The following TFEC variants were observed in gnomAD, a reference collection of about 807,000 sequenced individuals.
TFEC encodes the protein class E basic helix-loop-helix protein 34.
In TFEC, 31 loss-of-function variants were observed where a neutral mutation model predicts 41.6. That is an observed-to-expected ratio of 0.74 (90% CI 0.56 to 1.01). The LOEUF (loss-of-function observed/expected upper bound fraction) is 1.01. Among genes scored for constraint, TFEC ranks in the 50% least tolerant of loss-of-function variants. TFEC has a pLI of 0.00. For synonymous variants in TFEC, 143 were observed against 140.6 expected (o/e 1.02, Z -0.12); for missense variants, 402 against 404.1 (o/e 0.99, Z 0.04).
intron 3 of TFEC, among the ~76,000 whole-genome samples, chr7:116,053,088 G>C (rs1327820322): frequency 2.6e-5 from 4 of 151,996 alleles, no homozygotes; most frequent in African/African-American, 9.7e-5. Flanking sequence ...AAGAAAGAAA[G>C]AAATGTCATG....
chr7:116,000,622 T>C (rs1562925258), intron 1 of TFEC, among the ~76,000 whole-genome samples: 1 of 152,090 alleles, frequency 6.6e-6, no homozygotes, highest in Non-Finnish European at 1.5e-5. Context: ...CATACAAAAA[T>C]CAGTAACATT....
At chr7:116,110,053 A>G (rs1797816356) in intron 3 of TFEC, among the ~76,000 whole-genome samples, 1 of 152,172 alleles carries the variant, frequency 6.6e-6, no homozygotes, top group South Asian at 2.1e-4. Context: ...AGGAAGGGGA[A>G]CATCACACAC....
intron 1 of TFEC, among the ~76,000 whole-genome samples, chr7:116,020,170 A>T (rs1187312638): frequency 6.6e-6 from 1 of 152,166 alleles, no homozygotes; most frequent in African/African-American, 2.4e-5. Context: ...CGATAATTCA[A>T]ATCCACACTC....
In TFEC at chr7:115,935,527, G is replaced by C. The variant is rs144347586; in HGVS notation, c.*5024C>G. 1 of 152,008 alleles carries C rather than the reference G, an allele frequency of 6.6e-6. No homozygotes were observed. Among genetic ancestry groups the C allele is most frequent in the Admixed American group, 6.6e-5 (1 of 15,234 alleles). 9.4% of individuals were successfully genotyped at this position (152,008 alleles called of 1,614,324 possible). A position where few individuals can be genotyped will look rare whatever the true frequency, so the allele number is the denominator to read the frequency against. On this transcript the variant is annotated 3_prime_UTR_variant, in exon 8 of 8. Transcript: ENST00000265440. ...TGCTATGCTGTTAGATAAGATTCTT[G>C]AATTTCGTTTGCTTTTAAAATTCAG...
intron 3 of TFEC, among the ~76,000 whole-genome samples, chr7:116,085,443 C>T (rs1797182164): frequency 6.6e-6 from 1 of 151,504 alleles, no homozygotes; most frequent in African/African-American, 2.4e-5. Context: ...TTGCACATAC[C>T]CATAAAACTT....
chr7:116,036,271 A>C (rs1795907490), intron 3 of TFEC, among the ~76,000 whole-genome samples: 1 of 152,084 alleles, frequency 6.6e-6, no homozygotes, highest in Non-Finnish European at 1.5e-5. Context: ...GCAGAGAGGA[A>C]AAGAGCTAGG....
chr7:116,152,442 A>C (rs564494819), intron 1 of TFEC, among the ~76,000 whole-genome samples: 2 of 152,342 alleles, frequency 1.3e-5, no homozygotes, highest in South Asian at 2.1e-4. Flanking sequence ...CAAAGAGAAG[A>C]AGCTCCTGAG....
chr7:115,968,058 T>G, intron 3 of TFEC: 1 of 908,308 alleles, frequency 1.1e-6, no homozygotes, highest in South Asian at 2.8e-5. Context: ...GAATATATTT[T>G]ATGCGTTTCA....
At chr7:116,142,463 G>A (rs868439677) in intron 1 of TFEC, among the ~76,000 whole-genome samples, 3 of 152,082 alleles carry the variant, frequency 2.0e-5, no homozygotes, top group South Asian at 2.1e-4. Flanking sequence ...GACTCCCACC[G>A]CATTTGCAAC....
intron 1 of TFEC, among the ~76,000 whole-genome samples, chr7:116,008,143 G>T (rs963302067): frequency 1.3e-5 from 2 of 152,066 alleles, no homozygotes; most frequent in African/African-American, 4.8e-5. Context: ...AAAAAGTGAT[G>T]GCAAACATCA....
chr7:115,942,079 G>A lies in TFEC; in HGVS notation c.516-39C>T, dbSNP rs1341045209. On this transcript the variant is annotated intron_variant, in intron 6 of 7. Transcript: ENST00000265440. ...AGATAACCTTTTCACAATTGTGCAT[G>A]TCAGCAGAATTCATAAGAACTTACA... The A allele has an allele frequency of 2.6e-6, 4 of 1,557,460 alleles. No homozygotes were observed. The East Asian group carries it at 6.8e-5, about 27-fold the overall frequency.
intron 3 of TFEC, among the ~76,000 whole-genome samples, chr7:116,062,560 CATATAT>C (rs57742551): frequency 0.035 from 3,531 of 101,330 alleles, 102 homozygotes; most frequent in Middle Eastern, 0.069. Context: ...GAGTAGTACT[CATATAT>C]ATATATATAT....
chr7:116,066,024 C>T (rs1327792820), intron 3 of TFEC, among the ~76,000 whole-genome samples: 1 of 152,122 alleles, frequency 6.6e-6, no homozygotes, highest in African/African-American at 2.4e-5. Flanking sequence ...GCTATACCAG[C>T]AGTGGAAACA....
At chr7:116,000,509 G>C (rs1794549314) in intron 1 of TFEC, among the ~76,000 whole-genome samples, 1 of 152,100 alleles carries the variant, frequency 6.6e-6, no homozygotes. Flanking sequence ...ATTTATTTGT[G>C]TTTGCAGATT....
chr7:116,094,208 C>T (rs1419177093), intron 3 of TFEC, among the ~76,000 whole-genome samples: 1 of 152,124 alleles, frequency 6.6e-6, no homozygotes, highest in Admixed American at 6.5e-5. Flanking sequence ...GCCTCCAGCA[C>T]CTGGTAACCT....
chr7:115,973,171 C>T (rs1284093875), intron 3 of TFEC, among the ~76,000 whole-genome samples: 1 of 151,842 alleles, frequency 6.6e-6, no homozygotes, highest in African/African-American at 2.4e-5. Context: ...GTACTGGTGA[C>T]TTGACTAGCA....
intron 1 of TFEC, among the ~76,000 whole-genome samples, chr7:116,147,102 T>C (rs1364528988): frequency 6.6e-6 from 1 of 152,098 alleles, no homozygotes; most frequent in Non-Finnish European, 1.5e-5. Context: ...AGTTAAAAGA[T>C]GTAAAAATAG....
chr7:116,079,132 C>G (rs1254822326), intron 3 of TFEC, among the ~76,000 whole-genome samples: 1 of 152,078 alleles, frequency 6.6e-6, no homozygotes, highest in African/African-American at 2.4e-5. Flanking sequence ...TCCACCATCT[C>G]TTTATGATTA....
At chr7:116,089,563 C>G (rs1797276950) in intron 3 of TFEC, among the ~76,000 whole-genome samples, 4 of 152,030 alleles carry the variant, frequency 2.6e-5, no homozygotes. Flanking sequence ...ATGCACTGGT[C>G]TTACAGGCTA....
Sources: allele counts gnomAD v4.1 joint callset (sites outside exome capture counted in the v4.1 genomes callset), GRCh38; gene constraint gnomAD v4.1.1; transcripts MANE v1.5; gene names NCBI Gene and HGNC (gene_info 2026-07-23, HGNC 2026-07-21).